DCAF8L2: variants seen among roughly 807,000 people sequenced by gnomAD.
DCAF8L2 encodes the protein DDB1 and CUL4 associated factor 8 like 2, also known as DDB1- and CUL4-associated factor 8-like protein 2.
For synonymous variants in DCAF8L2, 200 were observed against 190.9 expected (o/e 1.05, Z -0.39); for missense variants, 430 against 490.7 (o/e 0.88, Z 1.17).
chrX:27,641,539 T>G (rs1199978710), intron 2 of DCAF8L2, among the ~76,000 whole-genome samples: 1 of 106,379 alleles, frequency 9.4e-6, no homozygotes, highest in Non-Finnish European at 1.9e-5. Flanking sequence ...ATGGTTGATC[T>G]CAGCTCACTG....
the DCAF8L2 span, among the ~76,000 whole-genome samples, chrX:27,512,779 CAAAAAAAAAAAAAAAA>C: frequency 2.2e-3 from 40 of 18,550 alleles, 1 homozygote; most frequent in East Asian, 3.9e-3. Context: ...CAATCTTGAG[CAAAAAAAAAAAAAAAA>C]AAAAAAAAAA....
the DCAF8L2 span, among the ~76,000 whole-genome samples, chrX:27,484,877 G>A: frequency 9.0e-6 from 1 of 111,484 alleles, no homozygotes; most frequent in African/African-American, 3.3e-5. Flanking sequence ...AGGTATGAAT[G>A]TAAAAACATT....
intron 2 of DCAF8L2, among the ~76,000 whole-genome samples, chrX:27,634,957 T>TATAC (rs1555922111): frequency 1.0e-5 from 1 of 99,568 alleles, no homozygotes; most frequent in African/African-American, 3.8e-5. Context: ...ACCATGTATA[T>TATAC]ACACACACAC....
At chrX:27,655,871 A>G (rs1382347081) in intron 2 of DCAF8L2, among the ~76,000 whole-genome samples, 1 of 111,281 alleles carries the variant, frequency 9.0e-6, no homozygotes, top group African/African-American at 3.3e-5. Context: ...AAAACTTCAA[A>G]TTTGTGAGTT....
the DCAF8L2 span, among the ~76,000 whole-genome samples, chrX:27,508,131 G>T: frequency 9.0e-6 from 1 of 111,472 alleles, no homozygotes; most frequent in Admixed American, 9.6e-5. Flanking sequence ...AACTCCAAAG[G>T]TTAACTAATT....
At chrX:27,631,115 C>T (rs1928269547) in intron 1 of DCAF8L2, among the ~76,000 whole-genome samples, 2 of 111,455 alleles carry the variant, frequency 1.8e-5, no homozygotes, top group East Asian at 2.8e-4. Flanking sequence ...GAATGTAATA[C>T]CCAACGTTAA....
At chrX:27,722,670 G>A (rs748265244) in intron 4 of DCAF8L2, among the ~76,000 whole-genome samples, 7 of 110,770 alleles carry the variant, frequency 6.3e-5, no homozygotes, top group African/African-American at 2.0e-4. Flanking sequence ...GTGTGCATGT[G>A]TATAATCTTA....
the DCAF8L2 span, among the ~76,000 whole-genome samples, chrX:27,583,020 T>C: frequency 8.9e-6 from 1 of 111,919 alleles, no homozygotes; most frequent in African/African-American, 3.3e-5. Flanking sequence ...TATTCATTAT[T>C]GGATCTCGTC....
At chrX:27,527,866 G>T in the DCAF8L2 span, among the ~76,000 whole-genome samples, 1 of 108,577 alleles carries the variant, frequency 9.2e-6, no homozygotes, top group Non-Finnish European at 1.9e-5. Flanking sequence ...TGGTCAGGCT[G>T]GTCTCAAACT....
the DCAF8L2 span, among the ~76,000 whole-genome samples, chrX:27,541,273 T>G: frequency 6.1e-4 from 68 of 111,988 alleles, no homozygotes; most frequent in African/African-American, 2.1e-3. Flanking sequence ...GCTAACAGAC[T>G]GAGTGGGGAA....
intron 2 of DCAF8L2, among the ~76,000 whole-genome samples, chrX:27,673,462 A>T (rs1047258178): frequency 9.1e-5 from 9 of 98,713 alleles, no homozygotes; most frequent in Non-Finnish European, 2.0e-5. Flanking sequence ...GAGCCGAGAT[A>T]GTGCCACTGC....
chrX:27,656,102 G>A (rs1929340683), intron 2 of DCAF8L2, among the ~76,000 whole-genome samples: 1 of 111,417 alleles, frequency 9.0e-6, no homozygotes, highest in African/African-American at 3.3e-5. Context: ...ATGTAGGAGG[G>A]AGATATGTAT....
In DCAF8L2 at chrX:27,602,143, C is replaced by A. The variant is rs191257311; in HGVS notation, c.-342+11703C>A. Among the ~76,000 whole-genome samples, 270 of 111,174 alleles carry A rather than the reference C, an allele frequency of 2.4e-3. 1 individual carries two copies. The highest frequency in any genetic ancestry group is 8.2e-3 in the African/African-American group (252 of 30,560). On this transcript the variant is annotated intron_variant, in intron 1 of 4. Transcript: ENST00000451261. ...GCAAGTCTCCCGGGTTCAAGCAATT[C>A]TCCTGCCTCAGCCTCCCGAGTAGCT...
chrX:27,680,401 G>GT (rs1447122112), intron 3 of DCAF8L2, among the ~76,000 whole-genome samples: 2 of 112,314 alleles, frequency 1.8e-5, no homozygotes, highest in South Asian at 3.6e-4. Flanking sequence ...TAAAGTAAGC[G>GT]TGAGTATGAA....
intron 1 of DCAF8L2, among the ~76,000 whole-genome samples, chrX:27,629,379 G>A (rs889306488): frequency 1.8e-5 from 2 of 111,695 alleles, no homozygotes; most frequent in African/African-American, 3.3e-5. Flanking sequence ...TGATTTTAGT[G>A]TATGGTTTAA....
the DCAF8L2 span, among the ~76,000 whole-genome samples, chrX:27,494,477 T>C: frequency 3.8e-4 from 43 of 112,279 alleles, no homozygotes; most frequent in African/African-American, 1.3e-3. Flanking sequence ...ACAGTTGATG[T>C]TTAATAGTTT....
At chrX:27,734,980 A>G (rs1410528469) in intron 4 of DCAF8L2, among the ~76,000 whole-genome samples, 2 of 111,995 alleles carry the variant, frequency 1.8e-5, no homozygotes, top group Non-Finnish European at 3.8e-5. Context: ...CAAGAGTTCA[A>G]ACTTTCATAA....
chrX:27,515,508 G>C, the DCAF8L2 span, among the ~76,000 whole-genome samples: 1 of 111,503 alleles, frequency 9.0e-6, no homozygotes, highest in East Asian at 2.8e-4. Flanking sequence ...TCGTGCCATT[G>C]AACTCCAGCC....
In DCAF8L2 at chrX:27,604,906, A is replaced by G. The variant is rs947588427; in HGVS notation, c.-342+14466A>G. On this transcript the variant is annotated intron_variant, in intron 1 of 4. Transcript: ENST00000451261. The stretch of plus-strand genomic sequence containing the variant: ...AGAATGTTGAGTAGCTACAAAGGTA[A>G]AGATATATTTTTCTTAGCAACTAAA... Among the ~76,000 whole-genome samples, 5 of 112,202 alleles carry G rather than the reference A, an allele frequency of 4.5e-5. No homozygotes were observed. The South Asian group carries it at 1.5e-3, about 33-fold the overall frequency.
Sources: gnomAD v4.1 joint callset for allele counts (sites outside exome capture counted in the v4.1 genomes callset) on GRCh38, gnomAD v4.1.1 for gene constraint, MANE v1.5 for transcripts, NCBI Gene and HGNC (gene_info 2026-07-23, HGNC 2026-07-21) for gene names.